SENP2: variants seen among roughly 807,000 people sequenced by gnomAD.
SENP2 encodes SUMO specific peptidase 2.
A neutral mutation model predicts 86.3 loss-of-function variants in SENP2; 16 were observed. The ratio of observed to expected loss-of-function variants is 0.19; its 90% CI spans 0.13 to 0.28. The LOEUF is 0.28. SENP2 is among the 10% of genes least tolerant of loss of function. The pLI, the probability that SENP2 is intolerant of heterozygous loss-of-function variation, is 1.00. For missense variants in SENP2, 552 were observed against 703.0 expected, an observed-to-expected ratio of 0.79 and a Z score of 2.43; for synonymous variants, 222 against 238.7, an observed-to-expected ratio of 0.93 and a Z score of 0.64.
chr3:185,596,051 C>T (rs775817983), intron 2 of SENP2, among the ~76,000 whole-genome samples: 4 of 152,004 alleles, frequency 2.6e-5, no homozygotes, highest in African/African-American at 4.8e-5. Context: ...CTGCAACCTC[C>T]GCTTCCTGGA....
rs144152215 is a variant in SENP2 at position 185,586,423 on chromosome 3, T to G, written c.10T>G (p.Trp4Gly). Reference protein sequence around the residue: MYRWLVRILGTIFR... With the variant: MYRGLVRILGTIFR... Reference sequence around the variant, plus strand: ...GCTGCTTGGGCCTGGTATGTACAGATGGCTGGTTAGGATTCTCGGCACCAT... The same window carrying G: ...GCTGCTTGGGCCTGGTATGTACAGAGGGCTGGTTAGGATTCTCGGCACCAT... Residue 4 changes from tryptophan (W) to glycine (G), a missense_variant, in exon 1 of 17, where the codon TGG becomes GGG. By Grantham distance (184) the Trp-to-Gly change is radical. This residue lies in a region of SENP2 where 383 missense variants were observed against 427.3 expected (regional missense o/e 0.90). Transcript: ENST00000296257. This position sits in a 1 kb window ranked among gnomAD's most constrained non-coding sequence, Gnocchi z 4.3. 14 of 1,614,022 alleles carry G rather than the reference T, an allele frequency of 8.7e-6. No individual in the cohort carries two copies. The African/African-American group carries it at 1.7e-4, about 20-fold the overall frequency.
intron 16 of SENP2, among the ~76,000 whole-genome samples, chr3:185,628,028 C>A (rs1697865985): frequency 6.6e-6 from 1 of 152,120 alleles, no homozygotes; most frequent in Non-Finnish European, 1.5e-5. Flanking sequence ...TTACTAAGAG[C>A]AAATGTGCAG....
At chr3:185,617,040 A>G (rs1333560425) in intron 11 of SENP2, among the ~76,000 whole-genome samples, 1 of 152,216 alleles carries the variant, frequency 6.6e-6, no homozygotes, top group Non-Finnish European at 1.5e-5. Context: ...ACGTAGTAGT[A>G]GGAAAATTGA....
intron 5 of SENP2, among the ~76,000 whole-genome samples, chr3:185,602,581 A>G (rs1282754101): frequency 2.0e-5 from 3 of 152,116 alleles, no homozygotes; most frequent in Non-Finnish European, 4.4e-5. Context: ...TCATGGTAAT[A>G]ACTGATATGG....
At chr3:185,599,199 G>A (rs1300410406) in intron 4 of SENP2, among the ~76,000 whole-genome samples, 175 bp downstream of exon 4, 1 of 152,012 alleles carries the variant, frequency 6.6e-6, no homozygotes, top group African/African-American at 2.4e-5. Context: ...TGAATTTACT[G>A]TTGTTTTTTG....
rs1462042762 is a variant in SENP2, at chr3:185,586,979, C to T, written c.101+465C>T. 1.3e-5 allele frequency among the ~76,000 whole-genome samples: 2 copies of T among 152,166 alleles called. No individual in the cohort carries two copies. The highest frequency in any genetic ancestry group is 2.9e-5 in the Non-Finnish European group (2 of 68,038). The stretch of plus-strand genomic sequence containing the variant: ...GTTTTGTTCCAAAACAGCTGTCAAA[C>T]AGTCTGTGTGTTTGGGGCCAGAAGG... On this transcript the variant is annotated intron_variant, in intron 1 of 16. Coordinates refer to ENST00000296257, the MANE Select transcript of SENP2 (RefSeq NM_021627.3). The surrounding 1 kb of genome is among the most constrained non-coding windows in gnomAD (Gnocchi z 4.3).
chr3:185,616,268 C>T (rs1400897747), intron 11 of SENP2, among the ~76,000 whole-genome samples: 3 of 145,504 alleles, frequency 2.1e-5, no homozygotes, highest in Non-Finnish European at 4.5e-5. Context: ...GTCAGGAGTT[C>T]GAGACCAGCC....
intron 13 of SENP2, among the ~76,000 whole-genome samples, chr3:185,620,770 A>T (rs1439627392): frequency 6.6e-6 from 1 of 152,004 alleles, no homozygotes; most frequent in Non-Finnish European, 1.5e-5. Context: ...AACAGGAAAG[A>T]GTCTTAGTAT....
chr3:185,613,596 C>A, intron 10 of SENP2, 188 bp downstream of exon 10: 1 of 385,180 alleles, frequency 2.6e-6, no homozygotes, highest in Non-Finnish European at 4.6e-6. Flanking sequence ...TTTAGGAGGC[C>A]AAGGCAGAAG....
rs992036401 is a variant in SENP2, at chr3:185,600,634, A to G, written c.359-131A>G. 16 of 633,490 alleles carry G rather than the reference A, an allele frequency of 2.5e-5. No individual in the cohort carries two copies. The African/African-American group carries it at 3.0e-4, about 12-fold the overall frequency. The allele number at this position is 633,490 out of a possible 1,614,324, so 39.2% of individuals were successfully genotyped here. A position where few individuals can be genotyped will look rare whatever the true frequency, so the allele number is the denominator to read the frequency against. On this transcript the variant is annotated intron_variant, in intron 4 of 16. Transcript: ENST00000296257. The stretch of plus-strand genomic sequence containing the variant: ...TTTGTGCTAGACTCCTGTGCTATTA[A>G]TAGAAATTGAAAAACAAGATGTTGA...
At chr3:185,619,740 A>C (rs1471377771) in intron 13 of SENP2, among the ~76,000 whole-genome samples, 2 of 151,560 alleles carry the variant, frequency 1.3e-5, no homozygotes, top group Non-Finnish European at 2.9e-5. Flanking sequence ...CTATTTTTTA[A>C]AATTACAGAC....
chr3:185,608,038 C>T (rs144920748), intron 6 of SENP2, among the ~76,000 whole-genome samples: 301 of 152,294 alleles, frequency 2.0e-3, no homozygotes, highest in Middle Eastern at 6.8e-3. Flanking sequence ...ATTTCACTTG[C>T]CAACAGTTTT....
At chr3:185,608,387 T>C (rs545013501) in intron 6 of SENP2, among the ~76,000 whole-genome samples, 1 of 152,332 alleles carries the variant, frequency 6.6e-6, no homozygotes, top group South Asian at 2.1e-4. Context: ...TTAAGTGTGA[T>C]CTAAAGTAGA....
At chr3:185,604,968 C>T (rs1431301623) in intron 5 of SENP2, among the ~76,000 whole-genome samples, 1 of 149,774 alleles carries the variant, frequency 6.7e-6, no homozygotes, top group Non-Finnish European at 1.5e-5. Context: ...GTTGGCCAGG[C>T]TGGTCTTGAA....
intron 5 of SENP2, 37 bp downstream of exon 5, chr3:185,600,892 C>G: frequency 7.1e-7 from 1 of 1,408,300 alleles, no homozygotes; most frequent in Non-Finnish European, 1.0e-6. Context: ...GGAAACTTAG[C>G]ATTTATTAGG....
chr3:185,606,046 T>C (rs751861800), intron 5 of SENP2, among the ~76,000 whole-genome samples: 1 of 152,066 alleles, frequency 6.6e-6, no homozygotes, highest in Non-Finnish European at 1.5e-5. Context: ...GTATATGCAA[T>C]AGGAGAGCTA....
rs7647296 is a variant in SENP2 at position 185,631,883 on chromosome 3, T to C, written c.*2039T>C. On this transcript the variant is annotated 3_prime_UTR_variant, in exon 17 of 17. Transcript: ENST00000296257. The stretch of plus-strand genomic sequence containing the variant: ...AGCTTAATGTATTATTTTGAGGGGC[T>C]TCTTCAGAGCAGTTCTCACTGAGCT... The C allele has an allele frequency of 6.6e-6, 1 of 151,070 alleles. No individual in the cohort carries two copies. The highest frequency in any genetic ancestry group is 1.5e-5 in the Non-Finnish European group (1 of 67,884). 9.4% of individuals were successfully genotyped at this position (151,070 alleles called of 1,614,324 possible).
At chr3:185,605,790 A>C (rs113666252) in intron 5 of SENP2, among the ~76,000 whole-genome samples, 71 of 152,232 alleles carry the variant, frequency 4.7e-4, no homozygotes, top group Middle Eastern at 3.4e-3. Flanking sequence ...TGTCACCAGC[A>C]GCTGTGACTG....
chr3:185,606,815 G>T (rs1005250453), intron 6 of SENP2: 2 of 515,220 alleles, frequency 3.9e-6, no homozygotes, highest in Non-Finnish European at 7.5e-6. Flanking sequence ...GTTGCTTATC[G>T]AGGAGCAGAA....
Sources: gnomAD v4.1 joint callset for allele counts (sites outside exome capture counted in the v4.1 genomes callset) on GRCh38, gnomAD v4.1.1 for gene constraint, gnomAD v4.1.1 regional missense constraint, Gnocchi (gnomAD v3.1) non-coding constraint, MANE v1.5 for transcripts, NCBI Gene and HGNC (gene_info 2026-07-23, HGNC 2026-07-21) for gene names.